Variants in ZNF609 observed in about 807,000 individuals in gnomAD.
ZNF609 encodes zinc finger protein 609.
Under a neutral mutation model 109.5 loss-of-function variants are expected in ZNF609, and 11 were observed. The observed-to-expected ratio is 0.10, with a 90% CI of 0.06 to 0.17. ZNF609 has a LOEUF of 0.17. Ranked by LOEUF, ZNF609 falls within the 10% of genes least tolerant of loss-of-function variation. The pLI is 1.00. For missense variants in ZNF609, 1,559 were observed against 1,772.4 expected (o/e 0.88, Z 2.16); for synonymous variants, 646 against 662.0 (o/e 0.98, Z 0.37).
chr15:64,613,636 C>T (rs112523289), intron 2 of ZNF609, among the ~76,000 whole-genome samples: 7,321 of 150,674 alleles, frequency 0.049, 234 homozygotes, highest in South Asian at 0.089. Context: ...CTGCAGCCGC[C>T]GCCTGCCGGG....
At chr15:64,492,966 T>C (rs1042559130) in intron 1 of ZNF609, among the ~76,000 whole-genome samples, 46 of 152,336 alleles carry the variant, frequency 3.0e-4, no homozygotes, top group Non-Finnish European at 2.1e-4. Flanking sequence ...GTGTGTGACC[T>C]GTGTGGTCTC....
intron 4 of ZNF609, 38 bp downstream of exon 4, chr15:64,670,471 A>G (rs758707008): frequency 1.9e-6 from 3 of 1,543,646 alleles, no homozygotes; most frequent in East Asian, 2.2e-5. Context: ...ATTATTCTGA[A>G]CCACACTAAT....
chr15:64,503,000 A>T (rs1438196314), intron 2 of ZNF609: 1 of 150,592 alleles, frequency 6.6e-6, no homozygotes, highest in Non-Finnish European at 1.5e-5. Flanking sequence ...TGGAGGTTGC[A>T]TTGAGCTGAG....
intron 2 of ZNF609, chr15:64,592,860 C>A: frequency 1.7e-6 from 1 of 584,610 alleles, no homozygotes; most frequent in Non-Finnish European, 3.0e-6. Flanking sequence ...TTGCAGTGAG[C>A]TGGGATCGCG....
intron 2 of ZNF609, among the ~76,000 whole-genome samples, chr15:64,520,662 T>C: frequency 6.6e-6 from 1 of 152,012 alleles, no homozygotes; most frequent in Non-Finnish European, 1.5e-5. Context: ...TCTCCCCAAA[T>C]CTCTAAAAGG....
At position 64,674,585 on chromosome 15, in the gene ZNF609, T is replaced by G. The variant is rs750791279; in HGVS notation, c.1731T>G (p.Pro577=). The G allele has an allele frequency of 3.1e-6, 5 of 1,614,042 alleles. No individual in the cohort carries two copies. The highest frequency in any genetic ancestry group is 4.2e-6 in the Non-Finnish European group (5 of 1,180,010). The change falls in exon 5 of 10, where the codon CCT becomes CCG. Residue 577 remains proline, a synonymous_variant. Transcript: ENST00000326648. Reference sequence around the variant, plus strand: ...TTCGACTTGTAGAGCCCCATAGCCCTTCTCCTTCAAGCAAATTCAGCACAA... The same window carrying G: ...TTCGACTTGTAGAGCCCCATAGCCCGTCTCCTTCAAGCAAATTCAGCACAA... ...PKVRLVEPHS[P]SPSSKFSTKG...
intron 1 of ZNF609, among the ~76,000 whole-genome samples, chr15:64,476,897 T>C (rs928746863): frequency 6.6e-6 from 1 of 152,142 alleles, no homozygotes; most frequent in Non-Finnish European, 1.5e-5. Flanking sequence ...AGCAACTTTA[T>C]TTCAGGTAGC....
At chr15:64,568,411 G>A (rs1236936935) in intron 2 of ZNF609, among the ~76,000 whole-genome samples, 1 of 152,138 alleles carries the variant, frequency 6.6e-6, no homozygotes, top group Non-Finnish European at 1.5e-5. Flanking sequence ...TTATATTTGG[G>A]AACCTCTAGA....
intron 2 of ZNF609, among the ~76,000 whole-genome samples, chr15:64,571,197 G>C (rs1894855079): frequency 6.6e-6 from 1 of 152,170 alleles, no homozygotes; most frequent in African/African-American, 2.4e-5. Context: ...GAATTCTAGA[G>C]GGGAAGATAT....
intron 2 of ZNF609, among the ~76,000 whole-genome samples, chr15:64,557,930 CGCCTCG>C (rs548511343): frequency 5.9e-5 from 9 of 152,202 alleles, no homozygotes; most frequent in African/African-American, 1.9e-4. Context: ...GTGATCCGCC[CGCCTCG>C]GCCTCCCAAA....
chr15:64,652,361 A>G (rs929230082), intron 3 of ZNF609, among the ~76,000 whole-genome samples: 1 of 147,482 alleles, frequency 6.8e-6, no homozygotes, highest in African/African-American at 2.5e-5. Context: ...AGCCGGGACT[A>G]CAGGCACACA....
At chr15:64,579,214 T>C (rs1191283283) in intron 2 of ZNF609, among the ~76,000 whole-genome samples, 2 of 151,300 alleles carry the variant, frequency 1.3e-5, no homozygotes, top group African/African-American at 4.9e-5. Context: ...ACAAAAAATT[T>C]AAGAATTAGC....
intron 1 of ZNF609, among the ~76,000 whole-genome samples, chr15:64,489,523 A>G (rs1386127445): frequency 1.0e-5 from 1 of 95,720 alleles, no homozygotes; most frequent in Non-Finnish European, 2.0e-5. Context: ...CATCTCCATT[A>G]TTCACTTTTT....
chr15:64,517,117 T>C (rs1893824354), intron 2 of ZNF609, among the ~76,000 whole-genome samples: 1 of 152,228 alleles, frequency 6.6e-6, no homozygotes, highest in African/African-American at 2.4e-5. Context: ...GGCTCACTCC[T>C]ATAAACCCAG....
chr15:64,650,200 T>C (rs1365723914), intron 3 of ZNF609, among the ~76,000 whole-genome samples: 1 of 151,226 alleles, frequency 6.6e-6, no homozygotes, highest in African/African-American at 2.4e-5. Context: ...GCTCAGTAGT[T>C]CGGGACCAGC....
At chr15:64,670,742 G>C (rs1209773370) in intron 4 of ZNF609, among the ~76,000 whole-genome samples, 3 of 151,884 alleles carry the variant, frequency 2.0e-5, no homozygotes, top group Non-Finnish European at 4.4e-5. Context: ...GCCAGGCATG[G>C]TGGTGCATGC....
intron 1 of ZNF609, among the ~76,000 whole-genome samples, chr15:64,480,837 G>A (rs1209830780): frequency 2.0e-5 from 3 of 152,188 alleles, no homozygotes; most frequent in African/African-American, 7.2e-5. Context: ...TGCAAAATTA[G>A]GTCAGATAGT....
chr15:64,632,366 T>G (rs1336059777), intron 3 of ZNF609, among the ~76,000 whole-genome samples: 1 of 152,120 alleles, frequency 6.6e-6, no homozygotes, highest in Non-Finnish European at 1.5e-5. Flanking sequence ...TATTTTTTAA[T>G]AGTTGAAAAA....
At chr15:64,464,669 A>C (rs778382831) in intron 1 of ZNF609, among the ~76,000 whole-genome samples, 3 of 111,902 alleles carry the variant, frequency 2.7e-5, no homozygotes, top group Non-Finnish European at 6.2e-5. Context: ...CTCTGTTATA[A>C]AAGTTGTCTG....
Sources: allele counts gnomAD v4.1 joint callset (sites outside exome capture counted in the v4.1 genomes callset), GRCh38; gene constraint gnomAD v4.1.1; transcripts MANE v1.5; gene names NCBI Gene and HGNC (gene_info 2026-07-23, HGNC 2026-07-21).